The following ETV5 variants were observed in gnomAD, a reference collection of about 807,000 sequenced individuals.
The protein encoded by ETV5 is ETS translocation variant 5.
A neutral mutation model predicts 70.0 loss-of-function variants in ETV5; 10 were observed. The ratio of observed to expected loss-of-function variants is 0.14; its 90% CI spans 0.09 to 0.24. ETV5 has a LOEUF of 0.24. Among genes scored for constraint, ETV5 ranks in the 10% least tolerant of loss-of-function variants. The pLI, the probability that ETV5 is intolerant of heterozygous loss-of-function variation, is 1.00. For synonymous variants in ETV5, 216 were observed against 242.2 expected, an observed-to-expected ratio of 0.89 and a Z score of 1.01; for missense variants, 453 against 651.2, an observed-to-expected ratio of 0.70 and a Z score of 3.31.
intron 7 of ETV5, among the ~76,000 whole-genome samples, chr3:186,073,057 G>A (rs963622309): frequency 1.3e-5 from 2 of 152,140 alleles, no homozygotes; most frequent in African/African-American, 2.4e-5. Flanking sequence ...GTTTGAACTC[G>A]GGAGGGGGAG....
rs1713870521 is a variant in ETV5 at position 186,079,188 on chromosome 3, T to C, written c.650+629A>G. On this transcript the variant is annotated intron_variant, in intron 7 of 12. Transcript: ENST00000306376. ...ATACCACAGATAAAGAGGTCAGGTT[T>C]GGAGTGTGCAGAGAAGGTTCCCTTC... The C allele has an allele frequency of 4.1e-6, 3 of 723,780 alleles. No homozygotes were observed. The East Asian group carries it at 1.6e-4, about 39-fold the overall frequency. The allele number at this position is 723,780 out of a possible 1,614,324, so 44.8% of individuals were successfully genotyped here.
chr3:186,075,167 C>T (rs770704374), intron 7 of ETV5, among the ~76,000 whole-genome samples: 53 of 152,122 alleles, frequency 3.5e-4, no homozygotes, highest in Middle Eastern at 3.2e-3. Context: ...AAAAAACCTA[C>T]GCACTCTAAC....
intron 7 of ETV5, among the ~76,000 whole-genome samples, chr3:186,074,367 G>A (rs1003223316): frequency 2.6e-5 from 4 of 152,086 alleles, no homozygotes; most frequent in African/African-American, 7.2e-5. Context: ...AGGCCCAAAT[G>A]GTTGTTAGCA....
At chr3:186,069,494 C>A (rs887179937) in intron 7 of ETV5, among the ~76,000 whole-genome samples, 3 of 146,344 alleles carry the variant, frequency 2.0e-5, no homozygotes, top group South Asian at 2.2e-4. Context: ...AAAAGAGAGA[C>A]GAAGTTGTTT....
In ETV5 at chr3:186,079,746, T is replaced by C; in HGVS notation, c.650+71A>G. The C allele has an allele frequency of 2.0e-6, 3 of 1,484,258 alleles. No individual in the cohort carries two copies. In the South Asian group the frequency reaches 4.0e-5, roughly 20 times the overall value. The allele number at this position is 1,484,258 out of a possible 1,614,324, so 91.9% of individuals were successfully genotyped here. On this transcript the variant is annotated intron_variant, in intron 7 of 12. Transcript: ENST00000306376. ...GAACCTGGTAAATAAGACAAACTGCTTCCCCTCTCCCAGTGAGAAAGGATA... is the reference window on the plus strand; with the variant it reads ...GAACCTGGTAAATAAGACAAACTGCCTCCCCTCTCCCAGTGAGAAAGGATA...
chr3:186,092,237 A>C (rs183829043), intron 5 of ETV5, among the ~76,000 whole-genome samples: 4 of 152,350 alleles, frequency 2.6e-5, no homozygotes, highest in Non-Finnish European at 4.4e-5. Context: ...TTGAATATAA[A>C]AGTTAGAAAC....
chr3:186,108,562 G>A, intron 1 of ETV5: 4 of 1,267,550 alleles, frequency 3.2e-6, no homozygotes, highest in Non-Finnish European at 4.1e-6. Flanking sequence ...TCCGCCAAGC[G>A]TCTCTTCTCG....
At chr3:186,071,318 ACAT>A (rs1420089860) in intron 7 of ETV5, among the ~76,000 whole-genome samples, 1 of 152,220 alleles carries the variant, frequency 6.6e-6, no homozygotes, top group African/African-American at 2.4e-5. Flanking sequence ...CAAGAAATCA[ACAT>A]CATGCACTTA....
chr3:186,104,740 T>C (rs1027373813), intron 5 of ETV5, among the ~76,000 whole-genome samples: 3 of 149,014 alleles, frequency 2.0e-5, no homozygotes, highest in African/African-American at 7.7e-5. Context: ...CTTTGCAATA[T>C]TCTTTTTTTT....
Position 186,105,609 on chromosome 3 carries a change from G to C in ETV5, c.133+16C>G. Reference sequence around the variant, plus strand: ...GAGCAGGGAAGCCACAACATAATCAGGGAAAGCTTTACTACCTTCAGAATC... The same window carrying C: ...GAGCAGGGAAGCCACAACATAATCACGGAAAGCTTTACTACCTTCAGAATC... On this transcript the variant is annotated intron_variant, in intron 3 of 12. Coordinates refer to ENST00000306376, the MANE Select transcript of ETV5 (RefSeq NM_004454.3). This position sits in a 1 kb window ranked among gnomAD's most constrained non-coding sequence, Gnocchi z 4.5. 1 of 1,614,058 alleles carries C rather than the reference G, an allele frequency of 6.2e-7. No homozygotes were observed.
chr3:186,061,944 C>T (rs1713314659), intron 9 of ETV5, among the ~76,000 whole-genome samples: 1 of 152,154 alleles, frequency 6.6e-6, no homozygotes, highest in East Asian at 1.9e-4. Context: ...CTAAAAACAA[C>T]AACAAAACAG....
chr3:186,091,692 C>T (rs1490267223), intron 5 of ETV5, among the ~76,000 whole-genome samples: 1 of 152,082 alleles, frequency 6.6e-6, no homozygotes, highest in Admixed American at 6.5e-5. Context: ...CTGATTTAGA[C>T]CTAGAAACTT....
At chr3:186,053,784 A>G (rs1311075090) in intron 11 of ETV5, among the ~76,000 whole-genome samples, 1 of 152,246 alleles carries the variant, frequency 6.6e-6, no homozygotes, top group Non-Finnish European at 1.5e-5. Context: ...GTTAGAGAAG[A>G]TAAACATTTA....
Position 186,105,504 on chromosome 3 carries a change from T to C in ETV5, c.134-8A>G, listed in dbSNP as rs761334611. The C allele has an allele frequency of 1.9e-6, 3 of 1,614,106 alleles. No homozygotes were observed. The Admixed American group carries it at 5.0e-5, about 27-fold the overall frequency. On this transcript the variant is annotated splice_region_variant and splice_polypyrimidine_tract_variant and intron_variant, in intron 3 of 12. Transcript: ENST00000306376. This position sits in a 1 kb window ranked among gnomAD's most constrained non-coding sequence, Gnocchi z 4.5. ...TGAGATCCTGAAATAGCTCTGAAAT[T>C]GAAAAAGAAGACCCCAGAATGAGGA...
intron 8 of ETV5, 51 bp from the exon 9 acceptor site, chr3:186,064,527 G>T: frequency 6.4e-7 from 1 of 1,565,418 alleles, no homozygotes; most frequent in Non-Finnish European, 8.8e-7. Context: ...TTCTGCAGCA[G>T]AAACAGCACA....
intron 5 of ETV5, among the ~76,000 whole-genome samples, chr3:186,089,889 G>A (rs1420437878): frequency 6.6e-6 from 1 of 152,162 alleles, no homozygotes; most frequent in Non-Finnish European, 1.5e-5. Context: ...AAACATTACT[G>A]AATAAAAGTT....
At position 186,065,982 on chromosome 3, in the gene ETV5, C is replaced by T; in HGVS notation, c.741G>A (p.Met247Ile). ...GAGCTGCAGGGACAATAGGTTCTGACATTTGCCGATGGTAACTGGGGCGAT... is the reference window on the plus strand; with the variant it reads ...GAGCTGCAGGGACAATAGGTTCTGATATTTGCCGATGGTAACTGGGGCGAT... ...GDNRPSYHRQ[M>I]SEPIVPAAPP... The change falls in exon 8 of 13, where the codon ATG becomes ATA. Residue 247 changes from methionine to isoleucine, a missense_variant. By Grantham distance (10) the Met-to-Ile change is conservative (BLOSUM62 1). Transcript: ENST00000306376. 6.2e-7 allele frequency: 1 copy of T among 1,610,918 alleles called. No individual in the cohort carries two copies. The highest frequency in any genetic ancestry group is 1.1e-5 in the South Asian group (1 of 90,650).
Position 186,048,211 on chromosome 3 carries a change from T to C in ETV5, c.*428A>G. ...CCAACTTAGCCTACTTACTTTTCTA[T>C]GGGTTTGTGATTTTTCAACAAATTG... On this transcript the variant is annotated 3_prime_UTR_variant, in exon 13 of 13. Coordinates refer to ENST00000306376, the MANE Select transcript of ETV5 (RefSeq NM_004454.3). 2 of 250,076 alleles carry C rather than the reference T, an allele frequency of 8.0e-6. No homozygotes were observed. The highest frequency in any genetic ancestry group is 5.8e-5 in the East Asian group (1 of 17,212). 15.5% of individuals were successfully genotyped at this position (250,076 alleles called of 1,614,324 possible).
At chr3:186,080,239 A>G in intron 6 of ETV5, 135 bp from the exon 7 acceptor site, 2 of 609,796 alleles carry the variant, frequency 3.3e-6, no homozygotes, top group Non-Finnish European at 5.2e-6. Flanking sequence ...AATCGCTCGT[A>G]GCCCCGAGGG....
Sources: gnomAD v4.1 joint callset for allele counts (sites outside exome capture counted in the v4.1 genomes callset) on GRCh38, gnomAD v4.1.1 for gene constraint, Gnocchi (gnomAD v3.1) non-coding constraint, MANE v1.5 for transcripts, NCBI Gene and HGNC (gene_info 2026-07-23, HGNC 2026-07-21) for gene names.